Variants in EYS observed in about 807,000 individuals in gnomAD.
The protein encoded by EYS is protein eyes shut homolog.
EYS carries 250 observed loss-of-function variants against 282.1 expected under a neutral mutation model. That is an observed-to-expected ratio of 0.89 (90% CI 0.80 to 0.98). EYS has a LOEUF of 0.98. EYS is among the 50% of genes least tolerant of loss of function. The probability of loss-of-function intolerance (pLI) is 0.00; values close to 1 mark genes in which losing one functional copy is unlikely to be tolerated. For synonymous variants in EYS, 1,355 were observed against 1,282.9 expected (o/e 1.06, Z -1.20); for missense variants, 4,016 against 3,709.0 (o/e 1.08, Z -2.15).
intron 16 of EYS, among the ~76,000 whole-genome samples, chr6:64,911,678 T>C (rs1180769287): frequency 2.0e-5 from 3 of 152,118 alleles, no homozygotes; most frequent in Non-Finnish European, 4.4e-5. Flanking sequence ...CAATGTGTTT[T>C]TTATATTATG....
At chr6:65,254,328 A>T (rs1767405147) in intron 12 of EYS, among the ~76,000 whole-genome samples, 2 of 151,870 alleles carry the variant, frequency 1.3e-5, no homozygotes, top group African/African-American at 4.8e-5. Flanking sequence ...ATCTACTAAG[A>T]CCACTAATAT....
At chr6:64,886,558 TA>T in intron 19 of EYS, 138 bp downstream of exon 19, 1 of 525,758 alleles carries the variant, frequency 1.9e-6, no homozygotes, top group Non-Finnish European at 3.2e-6. Flanking sequence ...ATTTCTTTTA[TA>T]AGAGACAAAT....
intron 22 of EYS, among the ~76,000 whole-genome samples, chr6:64,739,936 G>C (rs1024219984): frequency 1.3e-5 from 2 of 152,010 alleles, no homozygotes; most frequent in African/African-American, 2.4e-5. Context: ...GTTAATAGTT[G>C]TTACACACAT....
chr6:64,947,735 C>CTATT (rs1190038750), intron 14 of EYS, among the ~76,000 whole-genome samples: 1 of 148,218 alleles, frequency 6.7e-6, no homozygotes, highest in Non-Finnish European at 1.5e-5. Flanking sequence ...TATGAATGTG[C>CTATT]TATTTAAAAT....
intron 31 of EYS, among the ~76,000 whole-genome samples, chr6:64,104,808 T>C (rs551863636): frequency 6.6e-6 from 1 of 151,290 alleles, no homozygotes; most frequent in East Asian, 1.9e-4. Context: ...TTTGCAGCAT[T>C]CCCACTAATC....
At chr6:65,375,384 T>A (rs146260665) in intron 8 of EYS, among the ~76,000 whole-genome samples, 2 of 152,028 alleles carry the variant, frequency 1.3e-5, no homozygotes, top group African/African-American at 2.4e-5. Flanking sequence ...CATCAAAAGG[T>A]CATCAGCCTC....
At chr6:65,428,174 T>C (rs1767735534) in intron 5 of EYS, among the ~76,000 whole-genome samples, 1 of 152,136 alleles carries the variant, frequency 6.6e-6, no homozygotes, top group African/African-American at 2.4e-5. Context: ...AAAGGGAATT[T>C]CTTAGTATGC....
At chr6:63,750,509 C>G (rs1392655755) in intron 41 of EYS, among the ~76,000 whole-genome samples, 1 of 152,160 alleles carries the variant, frequency 6.6e-6, no homozygotes, top group Admixed American at 6.6e-5. Context: ...TCCACTCCAC[C>G]TTTGTTTCCA....
At chr6:65,362,412 C>A (rs543366256) in intron 8 of EYS, among the ~76,000 whole-genome samples, 1 of 152,062 alleles carries the variant, frequency 6.6e-6, no homozygotes, top group African/African-American at 2.4e-5. Context: ...TTTAAACACA[C>A]ATAGATATAT....
intron 12 of EYS, among the ~76,000 whole-genome samples, chr6:65,164,158 A>G (rs966742926): frequency 6.6e-6 from 1 of 151,436 alleles, no homozygotes; most frequent in African/African-American, 2.4e-5. Context: ...ACATTTATAC[A>G]TTTGTAAACT....
At chr6:64,875,602 CTA>C (rs1184738245) in intron 19 of EYS, among the ~76,000 whole-genome samples, 2 of 152,080 alleles carry the variant, frequency 1.3e-5, no homozygotes, top group Middle Eastern at 6.8e-3. Flanking sequence ...TAGAAAGAAA[CTA>C]TGAACAACTG....
intron 29 of EYS, among the ~76,000 whole-genome samples, chr6:64,336,981 T>A (rs1247507119): frequency 6.6e-6 from 1 of 151,990 alleles, no homozygotes. Context: ...AAGGCAGTGC[T>A]AAGAGGAAAG....
chr6:65,543,878 A>G (rs563208038), intron 2 of EYS, among the ~76,000 whole-genome samples: 267 of 152,298 alleles, frequency 1.8e-3, no homozygotes, highest in Non-Finnish European at 2.9e-3. Flanking sequence ...ACTTCTCTCT[A>G]CCATTGCTGG....
intron 28 of EYS, among the ~76,000 whole-genome samples, chr6:64,404,327 C>A (rs985807478): frequency 6.6e-6 from 1 of 152,000 alleles, no homozygotes; most frequent in African/African-American, 2.4e-5. Context: ...CAGAAACACA[C>A]AAATTATTTT....
At chr6:65,421,915 C>CATCAAAGA (rs1213289990) in intron 5 of EYS, among the ~76,000 whole-genome samples, 2 of 151,798 alleles carry the variant, frequency 1.3e-5, no homozygotes, top group Admixed American at 1.3e-4. Context: ...ACAATAGTAA[C>CATCAAAGA]ATCAAAGATC....
In EYS at chr6:64,310,848, C is replaced by T. The variant is rs537301623; in HGVS notation, c.6079-3766G>A. On this transcript the variant is annotated intron_variant, in intron 29 of 42. Coordinates refer to ENST00000503581, the MANE Select transcript of EYS (RefSeq NM_001142800.2). ...GACTGGACTGAATTTTTTTTGTGTACTTTAAGTGCTGGAACCACGTTGAAT... is the reference window on the plus strand; with the variant it reads ...GACTGGACTGAATTTTTTTTGTGTATTTTAAGTGCTGGAACCACGTTGAAT... Among the ~76,000 whole-genome samples the T allele has an allele frequency of 2.6e-5, 4 of 152,106 alleles. No homozygotes were observed. In the South Asian group the frequency reaches 6.2e-4, roughly 24 times the overall value.
chr6:64,154,398 C>T (rs1317423442), intron 31 of EYS, among the ~76,000 whole-genome samples: 2 of 145,828 alleles, frequency 1.4e-5, no homozygotes, highest in Non-Finnish European at 3.0e-5. Flanking sequence ...CGAGATCACA[C>T]CATTGTACTC....
chr6:64,968,855 C>T (rs568313899), intron 14 of EYS, among the ~76,000 whole-genome samples: 1 of 152,210 alleles, frequency 6.6e-6, no homozygotes, highest in African/African-American at 2.4e-5. Flanking sequence ...AAAGGAGATG[C>T]TTTGCTCTTC....
chr6:64,377,695 T>C (rs1772603899), intron 29 of EYS: 2 of 152,056 alleles, frequency 1.3e-5, no homozygotes, highest in African/African-American at 4.8e-5. Context: ...TAAAGTTGTG[T>C]TTTTGATTTT....
Sources: gnomAD v4.1 joint callset for allele counts (sites outside exome capture counted in the v4.1 genomes callset) on GRCh38, gnomAD v4.1.1 for gene constraint, MANE v1.5 for transcripts, NCBI Gene and HGNC (gene_info 2026-07-23, HGNC 2026-07-21) for gene names.